The following TENM3 variants were observed in gnomAD, a reference collection of about 807,000 sequenced individuals.
TENM3 encodes teneurin-3.
TENM3 carries 63 observed loss-of-function variants against 255.1 expected under a neutral mutation model. The observed-to-expected ratio is 0.25, with a 90% confidence interval of 0.20 to 0.30. TENM3 has a LOEUF of 0.30. TENM3 is among the 10% of genes least tolerant of loss of function. The pLI, the probability that TENM3 is intolerant of heterozygous loss-of-function variation, is 1.00. For synonymous variants in TENM3, 1,306 were observed against 1,322.3 expected (o/e 0.99, Z 0.27); for missense variants, 2,929 against 3,461.1 (o/e 0.85, Z 3.86).
chr4:181,560,253 G>C, the TENM3 span, among the ~76,000 whole-genome samples: 29 of 152,202 alleles, frequency 1.9e-4, no homozygotes, highest in African/African-American at 7.0e-4. Flanking sequence ...TGTTTTGTAA[G>C]GGCACTAATC....
At chr4:182,291,885 G>A (rs575715623) in intron 1 of TENM3, among the ~76,000 whole-genome samples, 35 of 152,006 alleles carry the variant, frequency 2.3e-4, no homozygotes, top group African/African-American at 7.7e-4. Flanking sequence ...GTGTAGGGCT[G>A]GGAGGGAGGC....
intron 3 of TENM3, among the ~76,000 whole-genome samples, chr4:182,384,534 G>A (rs1767780416): frequency 6.6e-6 from 1 of 152,164 alleles, no homozygotes. Flanking sequence ...TGGAATAAAT[G>A]TGGTACTTTG....
At chr4:182,039,003 G>C in the TENM3 span, among the ~76,000 whole-genome samples, 1 of 152,094 alleles carries the variant, frequency 6.6e-6, no homozygotes, top group Non-Finnish European at 1.5e-5. Context: ...AAAGTGCTGG[G>C]ATTACAGGAG....
chr4:182,316,751 G>A (rs537584076), intron 1 of TENM3, among the ~76,000 whole-genome samples: 157 of 152,258 alleles, frequency 1.0e-3, no homozygotes, highest in South Asian at 3.7e-3. Context: ...AGGGACCCTT[G>A]GCAGATCCTC....
the TENM3 span, among the ~76,000 whole-genome samples, chr4:182,047,968 C>T: frequency 0.56 from 85,280 of 152,006 alleles, 28,652 homozygotes; most frequent in South Asian, 0.75. Context: ...GTCGATTCCC[C>T]GCAGTGGCCC....
chr4:182,254,879 T>A (rs1648196343), intron 1 of TENM3, among the ~76,000 whole-genome samples: 1 of 152,046 alleles, frequency 6.6e-6, no homozygotes, highest in Admixed American at 6.6e-5. Context: ...GCTGTTACAG[T>A]CAGCAAAAAA....
the TENM3 span, among the ~76,000 whole-genome samples, chr4:181,741,725 C>T: frequency 5.3e-5 from 8 of 152,224 alleles, no homozygotes; most frequent in Middle Eastern, 6.8e-3. Flanking sequence ...CTAGGATGAG[C>T]GAGGGCCACC....
At chr4:181,797,180 T>C in the TENM3 span, among the ~76,000 whole-genome samples, 37 of 152,058 alleles carry the variant, frequency 2.4e-4, no homozygotes, top group East Asian at 5.4e-3. Flanking sequence ...TTTTTTTAAC[T>C]GTTCCCTTCC....
the TENM3 span, among the ~76,000 whole-genome samples, chr4:181,624,771 G>T: frequency 2.6e-5 from 4 of 152,276 alleles, no homozygotes; most frequent in South Asian, 6.2e-4. Context: ...TGCAGTTTGG[G>T]TTGGGCTTAG....
the TENM3 span, among the ~76,000 whole-genome samples, chr4:182,044,068 A>G: frequency 2.0e-5 from 3 of 152,206 alleles, no homozygotes; most frequent in African/African-American, 7.2e-5. Context: ...ATTGAAGGAT[A>G]AATTTTCCTA....
chr4:181,775,061 C>G, the TENM3 span, among the ~76,000 whole-genome samples: 24 of 152,160 alleles, frequency 1.6e-4, no homozygotes, highest in Non-Finnish European at 1.0e-4. Flanking sequence ...AGTCCTTCAG[C>G]TGAGTCATAA....
the TENM3 span, among the ~76,000 whole-genome samples, chr4:181,944,673 G>T: frequency 1.3e-5 from 2 of 152,008 alleles, no homozygotes; most frequent in African/African-American, 4.8e-5. Context: ...TCCAACATAG[G>T]GACAATGCCT....
the TENM3 span, among the ~76,000 whole-genome samples, chr4:182,133,182 A>C: frequency 6.6e-6 from 1 of 152,246 alleles, no homozygotes; most frequent in Non-Finnish European, 1.5e-5. Context: ...CTTAAGTGTA[A>C]TCACAGTACT....
chr4:182,598,038 G>C (rs1747441990), intron 3 of TENM3, among the ~76,000 whole-genome samples: 1 of 152,134 alleles, frequency 6.6e-6, no homozygotes, highest in African/African-American at 2.4e-5. Flanking sequence ...AAATTAGCCA[G>C]TGAGGTGGCT....
At chr4:182,230,332 C>T (rs965076035) in intron 1 of TENM3, among the ~76,000 whole-genome samples, 6 of 152,034 alleles carry the variant, frequency 3.9e-5, no homozygotes, top group African/African-American at 1.4e-4. Flanking sequence ...TCAGAAGAGA[C>T]CTCAGGGACC....
At chr4:182,234,155 A>AT (rs1756746460) in intron 1 of TENM3, among the ~76,000 whole-genome samples, 1 of 152,132 alleles carries the variant, frequency 6.6e-6, no homozygotes, top group African/African-American at 2.4e-5. Context: ...TTCCACGTTA[A>AT]CAACCCTTGG....
chr4:181,721,463 G>T, the TENM3 span, among the ~76,000 whole-genome samples: 3 of 140,746 alleles, frequency 2.1e-5, no homozygotes, highest in Admixed American at 7.3e-5. Flanking sequence ...AGCCGGGTGT[G>T]GTGGCGGGCG....
At chr4:182,212,242 G>T (rs1056594931) in intron 1 of TENM3, among the ~76,000 whole-genome samples, 2 of 152,218 alleles carry the variant, frequency 1.3e-5, no homozygotes, top group African/African-American at 4.8e-5. Context: ...AGCTTGCTGT[G>T]ATGTGCTCCT....
At chr4:181,687,296 C>T in the TENM3 span, among the ~76,000 whole-genome samples, 9 of 152,162 alleles carry the variant, frequency 5.9e-5, no homozygotes, top group East Asian at 9.7e-4. Flanking sequence ...TGTAATGAAA[C>T]GATTTAATCC....
Sources: gnomAD v4.1 joint callset for allele counts (sites outside exome capture counted in the v4.1 genomes callset) on GRCh38, gnomAD v4.1.1 for gene constraint, MANE v1.5 for transcripts, NCBI Gene and HGNC (gene_info 2026-07-23, HGNC 2026-07-21) for gene names.